CDKAL1: variants seen among roughly 807,000 people sequenced by gnomAD.
CDKAL1 encodes CDKAL1 threonylcarbamoyladenosine tRNA methylthiotransferase.
A neutral mutation model predicts 68.2 loss-of-function variants in CDKAL1; 32 were observed. That is an observed-to-expected ratio of 0.47 (90% CI 0.35 to 0.63). The LOEUF (loss-of-function observed/expected upper bound fraction) is 0.63, where lower values mean the gene tolerates loss of function less well. Among genes scored for constraint, CDKAL1 ranks in the 30% least tolerant of loss-of-function variants. The probability of loss-of-function intolerance (pLI) is 0.00; values close to 1 mark genes in which losing one functional copy is unlikely to be tolerated. For synonymous variants in CDKAL1, 234 were observed against 244.3 expected, an observed-to-expected ratio of 0.96 and a Z score of 0.39; for missense variants, 606 against 696.7, an observed-to-expected ratio of 0.87 and a Z score of 1.47.
At position 21,107,403 on chromosome 6, in the gene CDKAL1, CTCTT is replaced by C. The variant is rs541224598; in HGVS notation, c.1237-992_1237-989del. 4.8e-3 allele frequency among the ~76,000 whole-genome samples: 727 copies of C among 152,086 alleles called. 3 individuals are homozygous for C. The highest frequency in any genetic ancestry group is 7.6e-3 in the Non-Finnish European group (517 of 67,996). ...CGTCATTAGAAATGAAAAGAGCGTTCTCTTTCTTTTTTCTTTCTTTCTTTTGTTT... is the reference window on the plus strand; with the variant it reads ...CGTCATTAGAAATGAAAAGAGCGTTCTCTTTTTTCTTTCTTTCTTTTGTTT... On this transcript the variant is annotated intron_variant, in intron 12 of 15. Transcript: ENST00000274695.
chr6:20,735,813 CCA>C (rs374102809), intron 5 of CDKAL1, among the ~76,000 whole-genome samples: 10 of 152,302 alleles, frequency 6.6e-5, no homozygotes, highest in African/African-American at 2.4e-4. Context: ...TAAGTGCTAA[CCA>C]CAGTTTTTAT....
chr6:20,558,099 T>A (rs1357165870), intron 4 of CDKAL1, among the ~76,000 whole-genome samples: 2 of 152,236 alleles, frequency 1.3e-5, no homozygotes, highest in Admixed American at 6.5e-5. Context: ...TTATTTCATG[T>A]AGAAAGTTGA....
chr6:20,901,613 A>G (rs1355966547), intron 9 of CDKAL1, among the ~76,000 whole-genome samples: 1 of 139,998 alleles, frequency 7.1e-6, no homozygotes, highest in Non-Finnish European at 1.5e-5. Context: ...CCTGGGAGGC[A>G]GAGCTTGCAG....
At chr6:20,837,851 T>TA (rs1778010427) in intron 8 of CDKAL1, among the ~76,000 whole-genome samples, 1 of 150,458 alleles carries the variant, frequency 6.6e-6, no homozygotes, top group African/African-American at 2.4e-5. Flanking sequence ...TATGTGTACC[T>TA]AAAAAGAAAA....
chr6:20,556,579 T>A (rs1764051532), intron 4 of CDKAL1, among the ~76,000 whole-genome samples: 1 of 152,230 alleles, frequency 6.6e-6, no homozygotes, highest in Non-Finnish European at 1.5e-5. Context: ...CATAACTCTT[T>A]AATCTAGCTT....
chr6:20,724,807 A>G (rs1340003654), intron 5 of CDKAL1, among the ~76,000 whole-genome samples: 2 of 152,218 alleles, frequency 1.3e-5, no homozygotes, highest in Non-Finnish European at 2.9e-5. Context: ...AGCTAGAAAT[A>G]AGCCCAAGTA....
At chr6:21,178,204 G>A (rs1777661817) in intron 13 of CDKAL1, among the ~76,000 whole-genome samples, 1 of 152,068 alleles carries the variant, frequency 6.6e-6, no homozygotes, top group Non-Finnish European at 1.5e-5. Context: ...CTTATCATGG[G>A]GAAAGAGTAA....
intron 5 of CDKAL1, among the ~76,000 whole-genome samples, chr6:20,690,266 A>G (rs1489948271): frequency 2.0e-5 from 3 of 152,226 alleles, no homozygotes; most frequent in Non-Finnish European, 4.4e-5. Flanking sequence ...TTGGCTGAGT[A>G]CTTAGATTTT....
At chr6:20,630,668 G>A (rs1439162854) in intron 4 of CDKAL1, among the ~76,000 whole-genome samples, 1 of 152,170 alleles carries the variant, frequency 6.6e-6, no homozygotes, top group East Asian at 1.9e-4. Context: ...GAATATTGGA[G>A]TGAAGACATC....
At chr6:20,738,487 T>G (rs1027831128) in intron 5 of CDKAL1, among the ~76,000 whole-genome samples, 9 of 134,592 alleles carry the variant, frequency 6.7e-5, no homozygotes, top group Non-Finnish European at 9.2e-5. Context: ...ACTTCTTAGT[T>G]TTTTTTTTTT....
intron 12 of CDKAL1, among the ~76,000 whole-genome samples, chr6:21,081,539 C>T (rs1314070854): frequency 6.6e-6 from 1 of 150,432 alleles, no homozygotes; most frequent in Non-Finnish European, 1.5e-5. Flanking sequence ...CTTGGAGTAA[C>T]TTCTAAAGAT....
intron 15 of CDKAL1, among the ~76,000 whole-genome samples, chr6:21,217,698 A>G (rs1343593007): frequency 1.3e-5 from 2 of 152,042 alleles, no homozygotes; most frequent in South Asian, 4.2e-4. Context: ...GGGTTTTGCC[A>G]TGTTGGCCAC....
intron 13 of CDKAL1, among the ~76,000 whole-genome samples, chr6:21,128,402 T>C (rs1049012599): frequency 4.6e-5 from 7 of 152,232 alleles, no homozygotes; most frequent in Non-Finnish European, 7.3e-5. Context: ...ACATCATATG[T>C]TGAGAATCAT....
At chr6:20,736,185 T>C (rs886433239) in intron 5 of CDKAL1, among the ~76,000 whole-genome samples, 1 of 151,372 alleles carries the variant, frequency 6.6e-6, no homozygotes, top group Non-Finnish European at 1.5e-5. Flanking sequence ...TAGCAAACTA[T>C]GGCCTGCTGC....
chr6:20,863,830 A>G (rs1267214195), intron 9 of CDKAL1, among the ~76,000 whole-genome samples: 1 of 152,242 alleles, frequency 6.6e-6, no homozygotes, highest in East Asian at 1.9e-4. Flanking sequence ...AGAAAACTGG[A>G]ATTAAAAAGA....
chr6:20,665,893 C>G (rs528755606), intron 5 of CDKAL1, among the ~76,000 whole-genome samples: 1 of 152,092 alleles, frequency 6.6e-6, no homozygotes, highest in East Asian at 1.9e-4. Flanking sequence ...CAGCATAGAT[C>G]TGTGTAGCGG....
intron 11 of CDKAL1, among the ~76,000 whole-genome samples, chr6:21,064,772 T>C (rs1562001205): frequency 6.6e-6 from 1 of 152,032 alleles, no homozygotes; most frequent in South Asian, 2.1e-4. Flanking sequence ...AATTAGTAAA[T>C]CTAGAAATGG....
chr6:21,047,376 GTGAATCTCCACTTA>G (rs1770298339), intron 11 of CDKAL1, among the ~76,000 whole-genome samples: 1 of 152,174 alleles, frequency 6.6e-6, no homozygotes, highest in South Asian at 2.1e-4. Flanking sequence ...ACAAAGCCTT[GTGAATCTCCACTTA>G]TTCCTTTCCC....
At chr6:21,222,189 C>T (rs1330254544) in intron 15 of CDKAL1, among the ~76,000 whole-genome samples, 1 of 152,172 alleles carries the variant, frequency 6.6e-6, no homozygotes, top group East Asian at 1.9e-4. Flanking sequence ...TAAGATTAGA[C>T]AGTTCGCATG....
Sources: allele counts gnomAD v4.1 joint callset (sites outside exome capture counted in the v4.1 genomes callset), GRCh38; gene constraint gnomAD v4.1.1; transcripts MANE v1.5; gene names NCBI Gene and HGNC (gene_info 2026-07-23, HGNC 2026-07-21).